FBN3: variants seen among roughly 807,000 people sequenced by gnomAD.
FBN3 encodes the protein fibrillin-3.
Under a neutral mutation model 330.1 loss-of-function variants are expected in FBN3, and 234 were observed. The observed-to-expected ratio is 0.71, with a 90% CI of 0.64 to 0.79. The LOEUF (loss-of-function observed/expected upper bound fraction) is 0.79. Ranked by LOEUF, FBN3 falls within the 30% of genes least tolerant of loss-of-function variation. The pLI, the probability that FBN3 is intolerant of heterozygous loss-of-function variation, is 0.00. For synonymous variants in FBN3, 1,458 were observed against 1,517.3 expected (o/e 0.96, Z 0.91); for missense variants, 3,606 against 3,886.9 (o/e 0.93, Z 1.92).
At chr19:8,097,238 G>A (rs528116811) in intron 42 of FBN3, 51 bp downstream of exon 42, 63 of 1,576,670 alleles carry the variant, frequency 4.0e-5, no homozygotes, top group South Asian at 1.1e-4. Flanking sequence ...GCACAGTGGC[G>A]GACATGCATC....
intron 26 of FBN3, among the ~76,000 whole-genome samples, chr19:8,118,198 C>T (rs1006208527): frequency 9.2e-5 from 14 of 152,200 alleles, no homozygotes; most frequent in Admixed American, 8.5e-4. Flanking sequence ...CACATTCTCA[C>T]ACCCACTCAC....
In FBN3 at chr19:8,087,062, T is replaced by A; in HGVS notation, c.6754+15A>T. On this transcript the variant is annotated intron_variant, in intron 54 of 63. Transcript: ENST00000600128. The stretch of plus-strand genomic sequence containing the variant: ...AAGGAGTTTCCTGCACCCATGAAGC[T>A]CCAGTGCCCCATACCTGTGCAGCCC... 1 of 1,601,526 alleles carries A rather than the reference T, an allele frequency of 6.2e-7. No individual in the cohort carries two copies. Among genetic ancestry groups the A allele is most frequent in the Non-Finnish European group, 8.5e-7 (1 of 1,177,526 alleles).
chr19:8,123,380 A>G, intron 24 of FBN3, 84 bp downstream of exon 24: 2 of 1,400,942 alleles, frequency 1.4e-6, no homozygotes, highest in South Asian at 2.6e-5. Context: ...AAGAAAAAGA[A>G]CAGGTGTTGT....
Position 8,073,139 on chromosome 19 carries a change from AG to A in FBN3, c.7860del (p.Cys2621ValfsTer77). The A allele has an allele frequency of 6.2e-7, 1 of 1,613,890 alleles. No individual in the cohort carries two copies. The highest frequency in any genetic ancestry group is 8.5e-7 in the Non-Finnish European group (1 of 1,179,940). Reference protein sequence around the residue: ...EVDECAGRRGPCSYSCANTPG... With the variant: ...EVDECAGRRGXCSYSCANTPG... ...GGCGTGTTGGCACAGCTGTAGCTAC[AG>A]GGGCCACGCCGTCCGGCGCACTCAT... On this transcript the variant is annotated frameshift_variant, in exon 62 of 64. Transcript: ENST00000600128. LOFTEE classifies it high-confidence loss of function.
At chr19:8,135,283 T>A (rs983716711) in intron 13 of FBN3, among the ~76,000 whole-genome samples, 21 of 146,924 alleles carry the variant, frequency 1.4e-4, no homozygotes, top group Admixed American at 8.9e-4. Flanking sequence ...TAAAAAAAAA[T>A]TTTTTTTTTT....
rs1167743282 is a variant in FBN3, at chr19:8,072,982, T to TG, written c.7937+80dup. 7 of 821,896 alleles carry TG rather than the reference T, an allele frequency of 8.5e-6. No individual in the cohort carries two copies. The African/African-American group carries it at 1.3e-4, about 15-fold the overall frequency. 50.9% of individuals were successfully genotyped at this position (821,896 alleles called of 1,614,324 possible). ...ACAAAGCCCCGTGTGTGTGTGTGTG[T>TG]GTGTGTGTGTGTGTGTGTGTGCGTG... On this transcript the variant is annotated intron_variant, in intron 62 of 63. Coordinates refer to ENST00000600128, the MANE Select transcript of FBN3 (RefSeq NM_032447.5).
Position 8,117,245 on chromosome 19 carries a change from A to G in FBN3, c.3510T>C (p.Cys1170=). ...RVQNGGCDVH[C]INTEGSYRCS... ...ACCGGTAGCTGCCCTCAGTGTTAATACAGTGCACGTCACACCCACCATTCT... is the reference window on the plus strand; with the variant it reads ...ACCGGTAGCTGCCCTCAGTGTTAATGCAGTGCACGTCACACCCACCATTCT... The change falls in exon 28 of 64, where the codon TGT becomes TGC. Residue 1170 remains cysteine (C), a synonymous_variant. Coordinates refer to ENST00000600128, the MANE Select transcript of FBN3 (RefSeq NM_032447.5). The G allele has an allele frequency of 6.2e-7, 1 of 1,612,408 alleles. No homozygotes were observed. The highest frequency in any genetic ancestry group is 1.1e-5 in the South Asian group (1 of 90,974).
chr19:8,143,994 G>C lies in FBN3; in HGVS notation c.541+883C>G, dbSNP rs116125753. Among the ~76,000 whole-genome samples the C allele has an allele frequency of 8.7e-3, 1,299 of 149,606 alleles. 24 individuals are homozygous for C. Among genetic ancestry groups the C allele is most frequent in the African/African-American group, 0.031 (1,223 of 39,350 alleles). ...GCTAATTTTTTACTTTTTTTAGAGA[G>C]GGGGGGTGTCTCACTATGCTACCCA... On this transcript the variant is annotated intron_variant, in intron 6 of 63. Coordinates refer to ENST00000600128, the MANE Select transcript of FBN3 (RefSeq NM_032447.5).
chr19:8,117,344 G>A, intron 27 of FBN3, 53 bp from the exon 28 acceptor site: 1 of 1,535,598 alleles, frequency 6.5e-7, no homozygotes, highest in Admixed American at 2.0e-5. Context: ...GGTCCAGGAT[G>A]GGGAGGGGGC....
chr19:8,096,805 C>A lies in FBN3; in HGVS notation c.5413+76G>T. The A allele has an allele frequency of 6.5e-7, 1 of 1,532,342 alleles. No individual in the cohort carries two copies. 94.9% of individuals were successfully genotyped at this position (1,532,342 alleles called of 1,614,324 possible). On this transcript the variant is annotated intron_variant, in intron 43 of 63. Transcript: ENST00000600128. This position sits in a 1 kb window ranked among gnomAD's most constrained non-coding sequence, Gnocchi z 4.6. ...GTATAGAAAAGGAGAAAGACCTGGA[C>A]AGAGCCATACCCCATCTAAGTCCCC...
chr19:8,117,515 A>C lies in FBN3; in HGVS notation c.3412T>G (p.Cys1138Gly). 1 of 1,558,892 alleles carries C rather than the reference A, an allele frequency of 6.4e-7. No homozygotes were observed. The highest frequency in any genetic ancestry group is 8.7e-7 in the Non-Finnish European group (1 of 1,150,960). The part of the protein sequence containing the change: ...QCVNVIGAFQ[C>G]SCHAGFQSTP... ...CTCTGGAAGCCGGCATGGCAGGAGC[A>C]CTGGAAGGCACCGATGACATTGACA... The change falls in exon 27 of 64, where the codon TGC (cysteine) becomes GGC (glycine). Residue 1138 changes from cysteine (C) to glycine (G), a missense_variant. Cys to Gly is a radical substitution (Grantham distance 159, BLOSUM62 -3). Coordinates refer to ENST00000600128, the MANE Select transcript of FBN3 (RefSeq NM_032447.5).
Position 8,088,075 on chromosome 19 carries a change from T to C in FBN3, c.6481A>G (p.Met2161Val), listed in dbSNP as rs749047144. The C allele has an allele frequency of 1.9e-6, 3 of 1,614,082 alleles. No homozygotes were observed. The highest frequency in any genetic ancestry group is 2.2e-5 in the South Asian group (2 of 91,070). ...AGAGTTGTACCCTCGCAGGTCATCA[T>C]GAGGCCAGGCTCAAAGCCGTCAGCA... is the stretch of plus-strand genomic sequence containing the variant. ...ACADGFEPGL[M>V]MTCEDIDECS... is the part of the protein sequence containing the mutation. The change falls in exon 52 of 64, where the codon ATG becomes GTG. Residue 2161 changes from methionine to valine, a missense_variant. Met to Val is a conservative substitution (Grantham distance 21, BLOSUM62 1). Transcript: ENST00000600128.
At position 8,126,603 on chromosome 19, in the gene FBN3, T is replaced by C. The variant is rs548566936; in HGVS notation, c.2419A>G (p.Ser807Gly). 1.2e-5 allele frequency: 19 copies of C among 1,609,210 alleles called. No individual in the cohort carries two copies. In the South Asian group the frequency reaches 2.1e-4, roughly 18 times the overall value. The change falls in exon 20 of 64, where the codon AGC becomes GGC. Residue 807 changes from serine (S) to glycine (G), a missense_variant and splice_region_variant. Transcript: ENST00000600128. ...TTCAGCCAGCAGGTGCCCTTGGTGC[T>C]GTCTGGGGAGAAGAGGCGGGTCACC... ...LDPSGTFCLD[S>G]TKGTCWLKIQ...
intron 46 of FBN3, among the ~76,000 whole-genome samples, chr19:8,094,788 G>A (rs1196447150): frequency 6.6e-6 from 1 of 152,130 alleles, no homozygotes; most frequent in Non-Finnish European, 1.5e-5. Flanking sequence ...GGCAGATGGT[G>A]TCCAGTGGAA....
rs771621385 is a variant in FBN3 at position 8,138,448 on chromosome 19, C to T, written c.982G>A (p.Gly328Ser). Residue 328 changes from glycine (G) to serine (S), a missense_variant, in exon 9 of 64, where the codon GGC becomes AGC. Gly to Ser is a moderately conservative substitution (Grantham distance 56). Transcript: ENST00000600128. ...CCDRGRCWAAGPVPELCPPRG... is the reference protein window; with the variant it reads ...CCDRGRCWAASPVPELCPPRG... ...GGAGGACACAGCTCAGGGACCGGGCCAGCTGCCCAGCACCTGCCCCTGTCA... is the reference window on the plus strand; with the variant it reads ...GGAGGACACAGCTCAGGGACCGGGCTAGCTGCCCAGCACCTGCCCCTGTCA... 6.2e-7 allele frequency: 1 copy of T among 1,613,058 alleles called. No homozygotes were observed. The highest frequency in any genetic ancestry group is 1.1e-5 in the South Asian group (1 of 91,054).
intron 40 of FBN3, among the ~76,000 whole-genome samples, chr19:8,102,092 C>T (rs573886603): frequency 5.8e-4 from 89 of 152,322 alleles, no homozygotes; most frequent in African/African-American, 2.1e-3. Flanking sequence ...TTCCCCTGCA[C>T]GCGCTCTCTT....
At position 8,131,446 on chromosome 19, in the gene FBN3, TG is replaced by T; in HGVS notation, c.1990+107del. 1 of 1,488,040 alleles carries T rather than the reference TG, an allele frequency of 6.7e-7. No individual in the cohort carries two copies. The highest frequency in any genetic ancestry group is 9.2e-7 in the Non-Finnish European group (1 of 1,092,030). 92.2% of individuals were successfully genotyped at this position (1,488,040 alleles called of 1,614,324 possible). A position where few individuals can be genotyped will look rare whatever the true frequency, so the allele number is the denominator to read the frequency against. On this transcript the variant is annotated intron_variant, in intron 15 of 63. Transcript: ENST00000600128. This position sits in a 1 kb window ranked among gnomAD's most constrained non-coding sequence, Gnocchi z 4.5. ...GGAGCAACTCCCTTCAGCCTCTTTT[TG>T]GGAAGAGCCCCCACTCCATGGCAGC...
chr19:8,143,050 C>G (rs1303684332), intron 6 of FBN3, among the ~76,000 whole-genome samples: 4 of 152,136 alleles, frequency 2.6e-5, no homozygotes, highest in African/African-American at 9.7e-5. Flanking sequence ...CACCCAGATG[C>G]CTCTGCATCT....
chr19:8,089,504 G>A (rs1033373682), intron 51 of FBN3, 41 bp downstream of exon 51: 1 of 1,611,918 alleles, frequency 6.2e-7, no homozygotes, highest in Admixed American at 1.7e-5. Flanking sequence ...CCTGTCCTGG[G>A]AGGGGCCTGG....
Sources: allele counts gnomAD v4.1 joint callset (sites outside exome capture counted in the v4.1 genomes callset), GRCh38; gene constraint gnomAD v4.1.1; non-coding constraint Gnocchi (gnomAD v3.1); transcripts MANE v1.5; gene names NCBI Gene and HGNC (gene_info 2026-07-23, HGNC 2026-07-21).